The following MAGI3 variants were observed in gnomAD, a reference collection of about 807,000 sequenced individuals.
The protein encoded by MAGI3 is membrane-associated guanylate kinase, WW and PDZ domain-containing protein 3.
In MAGI3, 43 loss-of-function variants were observed where a neutral mutation model predicts 121.8. The ratio of observed to expected loss-of-function variants is 0.35; its 90% CI spans 0.28 to 0.46. The LOEUF (loss-of-function observed/expected upper bound fraction) is 0.46. MAGI3 is among the 20% of genes least tolerant of loss of function. The pLI, the probability that MAGI3 is intolerant of heterozygous loss-of-function variation, is 1.00. For missense variants in MAGI3, 1,547 were observed against 1,797.3 expected (o/e 0.86, Z 2.52); for synonymous variants, 553 against 639.3 (o/e 0.86, Z 2.04).
chr1:113,481,612 T>C (rs1656117636), intron 1 of MAGI3, among the ~76,000 whole-genome samples: 1 of 152,202 alleles, frequency 6.6e-6, no homozygotes, highest in Admixed American at 6.5e-5. Flanking sequence ...GAATTTGTTA[T>C]TACTATTGGC....
intron 2 of MAGI3, among the ~76,000 whole-genome samples, chr1:113,560,393 A>C (rs2101686639): frequency 6.7e-6 from 1 of 150,294 alleles, no homozygotes; most frequent in Middle Eastern, 3.4e-3. Context: ...AAACAAAAAA[A>C]CAAAAACAAA....
Position 113,519,100 on chromosome 1 carries a change from A to G in MAGI3, c.317-30415A>G, listed in dbSNP as rs375149322. ...TATGAAAACAGAAACCAAAGCCTCA[A>G]GAATTTGGGCTATTAAAATGTAATA... On this transcript the variant is annotated intron_variant, in intron 1 of 20. Transcript: ENST00000307546. 4.6e-5 allele frequency among the ~76,000 whole-genome samples: 7 copies of G among 152,308 alleles called. No individual in the cohort carries two copies. In the East Asian group the frequency reaches 1.4e-3, roughly 29 times the overall value.
intron 1 of MAGI3, among the ~76,000 whole-genome samples, chr1:113,432,335 C>A (rs1024247995): frequency 1.3e-5 from 2 of 152,110 alleles, no homozygotes; most frequent in African/African-American, 4.8e-5. Context: ...GAAACTGAGG[C>A]AAGCACAGAG....
chr1:113,567,326 G>A (rs1477415411), intron 2 of MAGI3, among the ~76,000 whole-genome samples: 2 of 151,994 alleles, frequency 1.3e-5, no homozygotes, highest in African/African-American at 4.8e-5. Context: ...CCAGGACCAG[G>A]TGGGTCCCCT....
At chr1:113,523,088 A>G (rs1658281365) in intron 1 of MAGI3, among the ~76,000 whole-genome samples, 1 of 152,146 alleles carries the variant, frequency 6.6e-6, no homozygotes, top group Non-Finnish European at 1.5e-5. Flanking sequence ...TGGTTTTATA[A>G]GGGGAAGTTT....
At chr1:113,434,523 A>G (rs894951345) in intron 1 of MAGI3, among the ~76,000 whole-genome samples, 2 of 152,222 alleles carry the variant, frequency 1.3e-5, no homozygotes, top group African/African-American at 4.8e-5. Flanking sequence ...AATAAAACAA[A>G]TCAGGTCAGC....
chr1:113,493,687 A>G (rs1290517846), intron 1 of MAGI3, among the ~76,000 whole-genome samples: 1 of 152,064 alleles, frequency 6.6e-6, no homozygotes, highest in South Asian at 2.1e-4. Flanking sequence ...AGAAAAAGCA[A>G]CCCCATTAAA....
rs531206624 is a variant in MAGI3, at chr1:113,654,145, G to A, written c.2629+127G>A. The A allele has an allele frequency of 1.2e-3, 876 of 713,138 alleles. 2 individuals are homozygous for A. Among genetic ancestry groups the A allele is most frequent in the Non-Finnish European group, 1.7e-3 (771 of 445,084 alleles). The allele number at this position is 713,138 out of a possible 1,614,324, so 44.2% of individuals were successfully genotyped here. On this transcript the variant is annotated intron_variant, in intron 15 of 20. Coordinates refer to ENST00000307546, the MANE Select transcript of MAGI3 (RefSeq NM_001142782.2). Reference sequence around the variant, plus strand: ...AGGTACTTATCTTTTTAAGAATGGTGAATACTTTCCTTATTTTCAAAATTA... The same window carrying A: ...AGGTACTTATCTTTTTAAGAATGGTAAATACTTTCCTTATTTTCAAAATTA...
Position 113,681,354 on chromosome 1 carries a change from C to T in MAGI3, c.3328+18C>T, listed in dbSNP as rs974744718. 4 of 1,607,446 alleles carry T rather than the reference C, an allele frequency of 2.5e-6. No individual in the cohort carries two copies. In the African/African-American group the frequency reaches 5.4e-5, roughly 22 times the overall value. ...TGACCATGGTAAGTAAAGTAGCCCA[C>T]TAGTAGCTGAAAAGTTGTATATTAG... On this transcript the variant is annotated intron_variant, in intron 20 of 20. Transcript: ENST00000307546.
chr1:113,597,292 C>T (rs1254158172), intron 6 of MAGI3, among the ~76,000 whole-genome samples: 2 of 152,096 alleles, frequency 1.3e-5, no homozygotes, highest in African/African-American at 4.8e-5. Context: ...AAATAGGTTA[C>T]TGGTTGCCTT....
chr1:113,629,817 T>A (rs1175570703), intron 9 of MAGI3, among the ~76,000 whole-genome samples: 4 of 139,466 alleles, frequency 2.9e-5, no homozygotes, highest in African/African-American at 7.8e-5. Context: ...TCTCTCTCTG[T>A]GCTGAGCCTC....
At chr1:113,488,226 C>T (rs1416265644) in intron 1 of MAGI3, among the ~76,000 whole-genome samples, 2 of 152,182 alleles carry the variant, frequency 1.3e-5, no homozygotes, top group South Asian at 2.1e-4. Context: ...GTGGTAGAAG[C>T]ATCAAGCCAG....
chr1:113,478,249 C>T (rs1350942872), intron 1 of MAGI3, among the ~76,000 whole-genome samples: 2 of 152,186 alleles, frequency 1.3e-5, no homozygotes, highest in Admixed American at 1.3e-4. Flanking sequence ...CAAAATCATT[C>T]CCTGTCCAGC....
At chr1:113,464,721 T>G (rs1655190662) in intron 1 of MAGI3, among the ~76,000 whole-genome samples, 1 of 152,156 alleles carries the variant, frequency 6.6e-6, no homozygotes, top group African/African-American at 2.4e-5. Flanking sequence ...CTCATTGTGG[T>G]TTTTATTTGC....
chr1:113,527,607 G>C (rs765398871), intron 1 of MAGI3, among the ~76,000 whole-genome samples: 40 of 152,104 alleles, frequency 2.6e-4, no homozygotes, highest in Admixed American at 8.5e-4. Flanking sequence ...AGGATATTGA[G>C]GTGAGTAAAA....
intron 9 of MAGI3, 94 bp downstream of exon 9, chr1:113,623,088 T>A: frequency 1.2e-6 from 1 of 813,104 alleles, no homozygotes; most frequent in Non-Finnish European, 1.7e-6. Flanking sequence ...GAGAAATAAT[T>A]AAATTATATA....
At chr1:113,667,552 A>C (rs1647242663) in intron 16 of MAGI3, among the ~76,000 whole-genome samples, 1 of 152,258 alleles carries the variant, frequency 6.6e-6, no homozygotes, top group African/African-American at 2.4e-5. Flanking sequence ...TATCCAGACC[A>C]CTAAAACTTT....
At chr1:113,666,743 C>G (rs1431345907) in intron 16 of MAGI3, among the ~76,000 whole-genome samples, 1 of 152,174 alleles carries the variant, frequency 6.6e-6, no homozygotes, top group Admixed American at 6.5e-5. Context: ...TGCCTAGACC[C>G]GTAGAAAAAT....
chr1:113,508,897 T>TATGC (rs1458410265), intron 1 of MAGI3, among the ~76,000 whole-genome samples: 3 of 152,234 alleles, frequency 2.0e-5, no homozygotes, highest in Non-Finnish European at 4.4e-5. Context: ...GGAAAACAGT[T>TATGC]ATGCATAAAT....
Sources: gnomAD v4.1 joint callset for allele counts (sites outside exome capture counted in the v4.1 genomes callset) on GRCh38, gnomAD v4.1.1 for gene constraint, MANE v1.5 for transcripts, NCBI Gene and HGNC (gene_info 2026-07-23, HGNC 2026-07-21) for gene names.